Variants in YAP1 observed in about 807,000 individuals in gnomAD.
YAP1 encodes transcriptional coactivator YAP1.
In YAP1, 5 loss-of-function variants were observed where a neutral mutation model predicts 56.9. The ratio of observed to expected loss-of-function variants is 0.09; its 90% CI spans 0.05 to 0.18. The LOEUF (loss-of-function observed/expected upper bound fraction) is 0.18. Among genes scored for constraint, YAP1 ranks in the 10% least tolerant of loss-of-function variants. The pLI, the probability that YAP1 is intolerant of heterozygous loss-of-function variation, is 1.00. For synonymous variants in YAP1, 265 were observed against 248.1 expected (o/e 1.07, Z -0.64); for missense variants, 539 against 651.8 (o/e 0.83, Z 1.88).
chr11:102,186,814 A>ATGTGTGTGTGTGTCTG (rs1947982969), intron 4 of YAP1: 1 of 138,418 alleles, frequency 7.2e-6, no homozygotes, highest in Non-Finnish European at 1.6e-5. Context: ...TTTTTAAAAA[A>ATGTGTGTGTGTGTCTG]TGTGTGTGTG....
At chr11:102,111,298 C>T in intron 1 of YAP1, 129 bp downstream of exon 1, 2 of 1,104,566 alleles carry the variant, frequency 1.8e-6, no homozygotes, top group South Asian at 1.6e-5. Flanking sequence ...GGGTGGGGGT[C>T]CCGAGGCGAA....
chr11:102,138,842 G>A lies in YAP1; in HGVS notation c.573-23614G>A, dbSNP rs143407474. Among the ~76,000 whole-genome samples, 6 of 152,256 alleles carry A rather than the reference G, an allele frequency of 3.9e-5. No homozygotes were observed. In the Middle Eastern group the frequency reaches 0.01, roughly 259 times the overall value. ...ATATAGATAAAATAATGCAGGAGGC[G>A]AATACTTGCAGTGGCTTTAGGATGA... On this transcript the variant is annotated intron_variant, in intron 2 of 8. Transcript: ENST00000282441.
chr11:102,159,361 C>T (rs1255472760), intron 2 of YAP1, among the ~76,000 whole-genome samples: 1 of 152,198 alleles, frequency 6.6e-6, no homozygotes, highest in East Asian at 1.9e-4. Context: ...GCTGATAGCT[C>T]TCTGCAGGTT....
chr11:102,141,615 A>G (rs1220070998), intron 2 of YAP1, among the ~76,000 whole-genome samples: 7 of 152,254 alleles, frequency 4.6e-5, no homozygotes, highest in Admixed American at 4.6e-4. Flanking sequence ...GGATAAGAAT[A>G]GACAGAATAG....
chr11:102,135,614 A>G (rs893289983), intron 2 of YAP1, among the ~76,000 whole-genome samples: 1 of 152,198 alleles, frequency 6.6e-6, no homozygotes, highest in African/African-American at 2.4e-5. Flanking sequence ...CTTGGGCAGA[A>G]GTTTCAAGCT....
intron 8 of YAP1, among the ~76,000 whole-genome samples, 194 bp downstream of exon 8, chr11:102,227,775 A>G (rs2135719841): frequency 1.3e-5 from 2 of 152,296 alleles, no homozygotes; most frequent in Admixed American, 1.3e-4. Context: ...AAAAAAATAT[A>G]TATCATGGAT....
At chr11:102,205,556 A>G (rs1272288037) in intron 4 of YAP1, among the ~76,000 whole-genome samples, 1 of 151,982 alleles carries the variant, frequency 6.6e-6, no homozygotes, top group Non-Finnish European at 1.5e-5. Flanking sequence ...AATATGCAAT[A>G]TATTCACCCC....
chr11:102,194,084 C>T (rs539302200), intron 4 of YAP1, among the ~76,000 whole-genome samples: 40 of 152,108 alleles, frequency 2.6e-4, no homozygotes, highest in African/African-American at 3.4e-4. Flanking sequence ...GGATTACAGG[C>T]GTGAGCCACC....
intron 2 of YAP1, among the ~76,000 whole-genome samples, chr11:102,122,809 G>A (rs898771582): frequency 6.7e-6 from 1 of 149,434 alleles, no homozygotes; most frequent in African/African-American, 2.5e-5. Flanking sequence ...CAGGATAATC[G>A]TTTGAACCTG....
At chr11:102,135,775 T>C (rs1486976696) in intron 2 of YAP1, among the ~76,000 whole-genome samples, 13 of 152,234 alleles carry the variant, frequency 8.5e-5, no homozygotes, top group Non-Finnish European at 1.5e-5. Context: ...ACAGTTCTTA[T>C]AATAGTTCTA....
chr11:102,174,245 A>G (rs1947096964), intron 3 of YAP1, among the ~76,000 whole-genome samples: 1 of 152,178 alleles, frequency 6.6e-6, no homozygotes, highest in Admixed American at 6.6e-5. Context: ...CCATCATTTC[A>G]TGAGCTCTTA....
intron 2 of YAP1, among the ~76,000 whole-genome samples, chr11:102,153,334 A>C (rs1370023889): frequency 6.6e-6 from 1 of 152,078 alleles, no homozygotes; most frequent in African/African-American, 2.4e-5. Context: ...GTCACTGCGC[A>C]CTCTTCCACT....
At chr11:102,207,573 C>T (rs2135602337) in intron 5 of YAP1, among the ~76,000 whole-genome samples, 1 of 151,408 alleles carries the variant, frequency 6.6e-6, no homozygotes, top group Non-Finnish European at 1.5e-5. Flanking sequence ...AAGGAGGCAC[C>T]TAAAGGTCTG....
At chr11:102,147,618 C>T (rs1945398991) in intron 2 of YAP1, among the ~76,000 whole-genome samples, 1 of 152,150 alleles carries the variant, frequency 6.6e-6, no homozygotes, top group South Asian at 2.1e-4. Context: ...CAGGCAGAAT[C>T]TGTTTCAGCA....
rs1942880865 is a variant in YAP1 at position 102,111,227 on chromosome 11, C to T, written c.321+58C>T. On this transcript the variant is annotated intron_variant, in intron 1 of 8. Coordinates refer to ENST00000282441, the MANE Select transcript of YAP1 (RefSeq NM_001130145.3). ...TCGGGCGGGCCTCAGACCGGGGGGG[C>T]GCTCGGGAGCCGCGGCCGCCAGCTC... 1.6e-5 allele frequency: 25 copies of T among 1,590,974 alleles called. No homozygotes were observed. The South Asian group carries it at 1.9e-4, about 12-fold the overall frequency.
rs1946492484 is a variant in YAP1, at chr11:102,164,659, A to G, written c.688+2088A>G. Among the ~76,000 whole-genome samples the G allele has an allele frequency of 2.0e-5, 3 of 152,252 alleles. No homozygotes were observed. The South Asian group carries it at 6.2e-4, about 32-fold the overall frequency. Reference sequence around the variant, plus strand: ...GATGGTGATGGTCTAGAGAAATGAGAGTATTTCGGCTGAAATTTATGCTTT... The same window carrying G: ...GATGGTGATGGTCTAGAGAAATGAGGGTATTTCGGCTGAAATTTATGCTTT... On this transcript the variant is annotated intron_variant, in intron 3 of 8. Coordinates refer to ENST00000282441, the MANE Select transcript of YAP1 (RefSeq NM_001130145.3).
Position 102,230,670 on chromosome 11 carries a change from T to G in YAP1, c.*730T>G, listed in dbSNP as rs1312226540. 1 of 152,606 alleles carries G rather than the reference T, an allele frequency of 6.6e-6. No homozygotes were observed. The highest frequency in any genetic ancestry group is 1.5e-5 in the Non-Finnish European group (1 of 68,020). The allele number at this position is 152,606 out of a possible 1,614,324, so 9.5% of individuals were successfully genotyped here. A position where few individuals can be genotyped will look rare whatever the true frequency, so the allele number is the denominator to read the frequency against. Reference sequence around the variant, plus strand: ...TCTGTTTTGTTGGGTTTTTTGTTTTTTTTGTTTTTGGCAGGGTCGGTGGGG... The same window carrying G: ...TCTGTTTTGTTGGGTTTTTTGTTTTGTTTGTTTTTGGCAGGGTCGGTGGGG... On this transcript the variant is annotated 3_prime_UTR_variant, in exon 9 of 9. Transcript: ENST00000282441.
intron 2 of YAP1, among the ~76,000 whole-genome samples, chr11:102,132,925 G>A (rs966772763): frequency 8.5e-5 from 13 of 152,144 alleles, no homozygotes; most frequent in African/African-American, 2.9e-4. Context: ...TTGGGAGGCC[G>A]AGGCAGGAGA....
At chr11:102,211,136 A>G (rs1839735522) in intron 6 of YAP1, among the ~76,000 whole-genome samples, 1 of 152,208 alleles carries the variant, frequency 6.6e-6, no homozygotes, top group Admixed American at 6.5e-5. Flanking sequence ...CTCAAAGGAG[A>G]TTTGGATTCA....
Sources: gnomAD v4.1 joint callset for allele counts (sites outside exome capture counted in the v4.1 genomes callset) on GRCh38, gnomAD v4.1.1 for gene constraint, MANE v1.5 for transcripts, NCBI Gene and HGNC (gene_info 2026-07-23, HGNC 2026-07-21) for gene names.